Variants in CTPS2 observed in about 807,000 individuals in gnomAD.
The protein encoded by CTPS2 is CTP synthase 2, also known as CTP synthase II.
A neutral mutation model predicts 46.8 loss-of-function variants in CTPS2; 19 were observed. The observed-to-expected ratio is 0.41, with a 90% CI of 0.28 to 0.60. The LOEUF (loss-of-function observed/expected upper bound fraction) is 0.60, where lower values mean the gene tolerates loss of function less well. Ranked by LOEUF, CTPS2 falls within the 20% of genes least tolerant of loss-of-function variation. CTPS2 has a pLI of 0.35. For missense variants in CTPS2, 286 were observed against 447.6 expected (o/e 0.64, Z 3.26); for synonymous variants, 151 against 165.2 (o/e 0.91, Z 0.66).
chrX:16,650,584 C>G (rs1932563424), intron 13 of CTPS2, among the ~76,000 whole-genome samples: 1 of 100,000 alleles, frequency 1.0e-5, no homozygotes, highest in African/African-American at 3.7e-5. Flanking sequence ...TGGCATCGCA[C>G]TCACTGCAAC....
intron 13 of CTPS2, among the ~76,000 whole-genome samples, chrX:16,666,192 A>G (rs1481266359): frequency 1.8e-5 from 2 of 112,394 alleles, no homozygotes; most frequent in Admixed American, 9.4e-5. Context: ...CTGGGTGTGC[A>G]TGGGTGGCTG....
At chrX:16,683,361 G>T in intron 8 of CTPS2, 135 bp from the exon 9 acceptor site, 1 of 590,559 alleles carries the variant, frequency 1.7e-6, no homozygotes, top group Non-Finnish European at 2.7e-6. Context: ...TACTCAGGAG[G>T]CTGAGGCGAG....
intron 13 of CTPS2, among the ~76,000 whole-genome samples, chrX:16,662,587 G>A (rs1454580269): frequency 9.0e-6 from 1 of 110,632 alleles, no homozygotes; most frequent in African/African-American, 3.3e-5. Context: ...TACTTTCCTA[G>A]CTAGAACAGC....
intron 14 of CTPS2, among the ~76,000 whole-genome samples, chrX:16,630,251 A>ATTTTT (rs148128965): frequency 1.3e-5 from 1 of 77,272 alleles, no homozygotes. Flanking sequence ...GTTGTGTTGT[A>ATTTTT]TTTTTTTTTT....
At chrX:16,599,446 A>T in intron 17 of CTPS2, among the ~76,000 whole-genome samples, 1 of 107,699 alleles carries the variant, frequency 9.3e-6, no homozygotes, top group Non-Finnish European at 1.9e-5. Context: ...GTCAACATGT[A>T]GTTCTTTTCT....
intron 7 of CTPS2, 123 bp downstream of exon 7, chrX:16,691,417 G>T (rs1160149119): frequency 1.8e-6 from 1 of 549,856 alleles, no homozygotes; most frequent in East Asian, 3.3e-5. Context: ...ATCATGGTTG[G>T]ATCAGGGTTC....
intron 17 of CTPS2, among the ~76,000 whole-genome samples, chrX:16,604,726 CA>C (rs1255514349): frequency 1.8e-5 from 2 of 111,842 alleles, no homozygotes; most frequent in African/African-American, 6.5e-5. Flanking sequence ...AGAAAACTTG[CA>C]ATTACAAGCA....
At position 16,712,544 on chromosome X, in the gene CTPS2, C is replaced by G. The variant is rs903299092; in HGVS notation, c.-249G>C. ...CTTCCCCTCTCCTCCCTGCTGCTGG[C>G]CCAGCTCACTCACGCTGGTGAGCTT... On this transcript the variant is annotated 5_prime_UTR_variant, in exon 1 of 19. Transcript: ENST00000359276. 1.8e-5 allele frequency: 2 copies of G among 113,088 alleles called. No individual in the cohort carries two copies. The highest frequency in any genetic ancestry group is 3.7e-5 in the Non-Finnish European group (2 of 53,381). The allele number at this position is 113,088 out of a possible 1,213,427, so 9.3% of individuals were successfully genotyped here.
intron 17 of CTPS2, among the ~76,000 whole-genome samples, chrX:16,602,205 A>T (rs768502379): frequency 1.8e-5 from 2 of 111,491 alleles, no homozygotes; most frequent in South Asian, 7.6e-4. Context: ...GAAAGAGAGA[A>T]CAAGCTCTAA....
At chrX:16,634,958 A>AG (rs1390428557) in intron 14 of CTPS2, among the ~76,000 whole-genome samples, 1 of 71,073 alleles carries the variant, frequency 1.4e-5, no homozygotes, top group South Asian at 5.0e-4. Context: ...TCAAAAAGAG[A>AG]AAAAAAAAAA....
chrX:16,601,034 T>C (rs992776961), intron 17 of CTPS2, among the ~76,000 whole-genome samples: 7 of 111,506 alleles, frequency 6.3e-5, no homozygotes, highest in African/African-American at 2.3e-4. Flanking sequence ...GCATCTACCC[T>C]ACTTGTCAAT....
intron 10 of CTPS2, among the ~76,000 whole-genome samples, chrX:16,674,633 T>G (rs1435029176): frequency 9.7e-6 from 1 of 103,401 alleles, no homozygotes; most frequent in East Asian, 3.2e-4. Flanking sequence ...GGTCAGGAGA[T>G]CGAGACCATC....
rs1245486488 is a variant in CTPS2 at position 16,601,574 on chromosome X, G to T, written c.1691+7967C>A. On this transcript the variant is annotated intron_variant, in intron 17 of 18. Coordinates refer to ENST00000359276, the MANE Select transcript of CTPS2 (RefSeq NM_175859.3). ...TCCTATAAACCAAGGGAAGCCATCG[G>T]GGGGGGGGGGGTTTAAGTTCCAAAA... Among the ~76,000 whole-genome samples, 5 of 4,137 alleles carry T rather than the reference G, an allele frequency of 1.2e-3. No homozygotes were observed. The African/African-American group carries it at 0.022, about 18-fold the overall frequency. The allele number at this position is 4,137 out of a possible 115,157, so 3.6% of individuals were successfully genotyped here. A position where few individuals can be genotyped will look rare whatever the true frequency, so the allele number is the denominator to read the frequency against.
intron 9 of CTPS2, among the ~76,000 whole-genome samples, chrX:16,680,617 G>A (rs1463333423): frequency 9.1e-6 from 1 of 109,468 alleles, no homozygotes; most frequent in Non-Finnish European, 1.9e-5. Flanking sequence ...TAAACTTTAA[G>A]ATACAAATTT....
chrX:16,664,832 A>G (rs914723173), intron 13 of CTPS2, among the ~76,000 whole-genome samples: 1 of 111,875 alleles, frequency 8.9e-6, no homozygotes, highest in African/African-American at 3.2e-5. Flanking sequence ...CCTAGTGGGC[A>G]GGAGCTCCCA....
intron 10 of CTPS2, among the ~76,000 whole-genome samples, chrX:16,675,110 CA>C (rs374958784): frequency 6.5e-5 from 7 of 107,674 alleles, no homozygotes; most frequent in Non-Finnish European, 1.2e-4. Context: ...TACAAAAATG[CA>C]AAAAAAATTA....
chrX:16,596,710 G>C (rs1164426752), intron 17 of CTPS2, among the ~76,000 whole-genome samples: 1 of 106,685 alleles, frequency 9.4e-6, no homozygotes, highest in African/African-American at 3.5e-5. Context: ...TATATACCCA[G>C]TAATGGGATG....
At chrX:16,699,520 C>T (rs1217819740) in intron 2 of CTPS2, among the ~76,000 whole-genome samples, 1 of 112,731 alleles carries the variant, frequency 8.9e-6, no homozygotes, top group Non-Finnish European at 1.9e-5. Flanking sequence ...AAGGCCACAG[C>T]TAACCCATAA....
At position 16,698,952 on chromosome X, in the gene CTPS2, C is replaced by T. The variant is rs146237387; in HGVS notation, c.308G>A (p.Arg103His). 4,434 of 1,201,373 alleles carry T rather than the reference C, an allele frequency of 3.7e-3. 9 individuals carry two copies. The highest frequency in any genetic ancestry group is 4.6e-3 in the Non-Finnish European group (4,078 of 891,412). ...CACTGTTTTCCCCAGGTAATCACCA[C>T]GCCTCTCTTTATTGATCACATGCTG... is the stretch of plus-strand genomic sequence containing the variant. Reference protein sequence around the residue: ...IYQHVINKERRGDYLGKTVQV... With the variant: ...IYQHVINKERHGDYLGKTVQV... Residue 103 changes from arginine to histidine, a missense_variant, in exon 3 of 19, where the codon CGT (arginine) becomes CAT (histidine). Coordinates refer to ENST00000359276, the MANE Select transcript of CTPS2 (RefSeq NM_175859.3).
Sources: gnomAD v4.1 joint callset for allele counts (sites outside exome capture counted in the v4.1 genomes callset) on GRCh38, gnomAD v4.1.1 for gene constraint, MANE v1.5 for transcripts, NCBI Gene and HGNC (gene_info 2026-07-23, HGNC 2026-07-21) for gene names.